ZNF429: variants seen among roughly 807,000 people sequenced by gnomAD.
The protein encoded by ZNF429 is zinc finger protein 429.
ZNF429 carries 53 observed loss-of-function variants against 56.8 expected under a neutral mutation model. The ratio of observed to expected loss-of-function variants is 0.93; its 90% CI spans 0.75 to 1.17. The LOEUF (loss-of-function observed/expected upper bound fraction) is 1.17, where lower values mean the gene tolerates loss of function less well. Among genes scored for constraint, ZNF429 ranks in the 50% most tolerant of loss-of-function variants. The pLI is 0.00. For synonymous variants in ZNF429, 278 were observed against 264.7 expected, an observed-to-expected ratio of 1.05 and a Z score of -0.49; for missense variants, 849 against 788.4, an observed-to-expected ratio of 1.08 and a Z score of -0.92.
At chr19:21,535,398 TTTC>T in intron 3 of ZNF429, among the ~76,000 whole-genome samples, 1 of 44,616 alleles carries the variant, frequency 2.2e-5, no homozygotes, top group African/African-American at 2.4e-4. Context: ...TCTTTCTTTC[TTTC>T]TTTCTTTTTC....
In ZNF429 at chr19:21,537,367, TACACTTA is replaced by T; in HGVS notation, c.1315_1321del (p.Thr439LeufsTer243). 6.3e-7 allele frequency: 1 copy of T among 1,598,580 alleles called. No individual in the cohort carries two copies. Among genetic ancestry groups the T allele is most frequent in the African/African-American group, 1.4e-5 (1 of 69,952 alleles). On this transcript the variant is annotated frameshift_variant, in exon 4 of 4. Transcript: ENST00000358491. LOFTEE classifies it high-confidence loss of function. ...GTGGCAAAGTTTTTACCTATTCCTC[TACACTTA>T]CTAGACATAAGAGAATTCATACTGA...
intron 1 of ZNF429, among the ~76,000 whole-genome samples, chr19:21,526,549 CAGAG>C (rs1235219497): frequency 1.3e-5 from 2 of 152,170 alleles, no homozygotes; most frequent in South Asian, 2.1e-4. Flanking sequence ...TTGTCAAACT[CAGAG>C]AGACATTAAA....
At chr19:21,511,393 C>T (rs372946337) in intron 1 of ZNF429, among the ~76,000 whole-genome samples, 1 of 151,914 alleles carries the variant, frequency 6.6e-6, no homozygotes, top group Non-Finnish European at 1.5e-5. Flanking sequence ...CCTCACCTCC[C>T]AGACAGGGTC....
chr19:21,536,670 T>G lies in ZNF429; in HGVS notation c.617T>G (p.Phe206Cys). 1 of 1,613,846 alleles carries G rather than the reference T, an allele frequency of 6.2e-7. No individual in the cohort carries two copies. The highest frequency in any genetic ancestry group is 8.5e-7 in the Non-Finnish European group (1 of 1,179,898). The change falls in exon 4 of 4, where the codon TTT (phenylalanine) becomes TGT (cysteine). Residue 206 changes from phenylalanine (F) to cysteine (C), a missense_variant. Transcript: ENST00000358491. ...IRENTYRCKE[F>C]GNAFNQSSAL... ...GAGAATACCTACAGATGTAAAGAAT[T>G]TGGCAATGCCTTTAATCAGTCCTCA...
At position 21,538,796 on chromosome 19, in the gene ZNF429, A is replaced by G. The variant is rs377706970; in HGVS notation, c.*718A>G. The G allele has an allele frequency of 1.6e-4, 25 of 152,362 alleles. 1 individual carries two copies. In the East Asian group the frequency reaches 1.7e-3, roughly 11 times the overall value. 9.4% of individuals were successfully genotyped at this position (152,362 alleles called of 1,614,324 possible). ...ATCTGTTCACATCTTAACAACAGAG[A>G]GTTGATACTTAATAAGAGCATTGTA... is the stretch of plus-strand genomic sequence containing the variant. On this transcript the variant is annotated 3_prime_UTR_variant, in exon 4 of 4. Transcript: ENST00000358491.
Position 21,537,375 on chromosome 19 carries a change from C to A in ZNF429, c.1322C>A (p.Thr441Asn), listed in dbSNP as rs776640182. The change falls in exon 4 of 4, where the codon ACT becomes AAT. Residue 441 changes from threonine (T) to asparagine (N), a missense_variant. Transcript: ENST00000358491. Reference protein sequence around the residue: ...GKVFTYSSTLTRHKRIHTEEK... With the variant: ...GKVFTYSSTLNRHKRIHTEEK... ...GTTTTTACCTATTCCTCTACACTTA[C>A]TAGACATAAGAGAATTCATACTGAA... 1.2e-6 allele frequency: 2 copies of A among 1,613,108 alleles called. No homozygotes were observed. Among genetic ancestry groups the A allele is most frequent in the South Asian group, 2.2e-5 (2 of 91,040 alleles).
chr19:21,511,850 G>A (rs571310179), intron 1 of ZNF429, among the ~76,000 whole-genome samples: 81 of 152,266 alleles, frequency 5.3e-4, no homozygotes, highest in African/African-American at 1.9e-3. Context: ...TGAGGCTGGC[G>A]GATCACTCAC....
chr19:21,535,406 TTTTTCTTTTCTTTC>T, intron 3 of ZNF429, among the ~76,000 whole-genome samples: 1 of 18,642 alleles, frequency 5.4e-5, no homozygotes, highest in Non-Finnish European at 1.0e-4. Context: ...TCTTTCTTTC[TTTTTCTTTTCTTTC>T]TTTCTTTCTT....
intron 3 of ZNF429, among the ~76,000 whole-genome samples, chr19:21,531,291 C>A: frequency 6.6e-6 from 1 of 151,992 alleles, no homozygotes; most frequent in South Asian, 2.1e-4. Context: ...AGCCTTGTGA[C>A]CAAGCTACAA....
At chr19:21,513,428 A>G (rs2032595791) in intron 1 of ZNF429, among the ~76,000 whole-genome samples, 2 of 152,194 alleles carry the variant, frequency 1.3e-5, no homozygotes, top group African/African-American at 4.8e-5. Context: ...CATAGAGGTT[A>G]TGAAAGTCCT....
At chr19:21,510,313 C>T (rs1380987565) in intron 1 of ZNF429, among the ~76,000 whole-genome samples, 1 of 152,102 alleles carries the variant, frequency 6.6e-6, no homozygotes, top group Non-Finnish European at 1.5e-5. Context: ...TATGTTGGCT[C>T]AGACGGAGGG....
rs1568433859 is a variant in ZNF429, at chr19:21,537,203, C to G, written c.1150C>G (p.Leu384Val). The G allele has an allele frequency of 6.2e-7, 1 of 1,613,716 alleles. No homozygotes were observed. Among genetic ancestry groups the G allele is most frequent in the Admixed American group, 1.7e-5 (1 of 59,964 alleles). ...CAAAGCTTTTAACCAGTCTTCAAGA[C>G]TTACTCGACATAAAAAAATTCATAC... ...CGKAFNQSSR[L>V]TRHKKIHTGE... Residue 384 changes from leucine to valine, a missense_variant, in exon 4 of 4, where the codon CTT (leucine) becomes GTT (valine). By Grantham distance (32) the Leu-to-Val change is conservative (BLOSUM62 1). Coordinates refer to ENST00000358491, the MANE Select transcript of ZNF429 (RefSeq NM_001001415.4).
At chr19:21,506,460 A>AGG (rs199861700) in intron 1 of ZNF429, among the ~76,000 whole-genome samples, 4,479 of 107,688 alleles carry the variant, frequency 0.042, 246 homozygotes, top group African/African-American at 0.12. Flanking sequence ...AAAAAAAAAA[A>AGG]AGGGGAGTCA....
rs753989924 is a variant in ZNF429 at position 21,536,701 on chromosome 19, T to A, written c.648T>A (p.Leu216=). ...FGNAFNQSSA[L]TNHKRIYVGE... Reference sequence around the variant, plus strand: ...ATGCCTTTAATCAGTCCTCAGCCCTTACTAACCATAAGAGAATTTATGTTG... The same window carrying A: ...ATGCCTTTAATCAGTCCTCAGCCCTAACTAACCATAAGAGAATTTATGTTG... Residue 216 remains leucine (L), a synonymous_variant, in exon 4 of 4, where the codon CTT becomes CTA. Transcript: ENST00000358491. 4 of 1,614,016 alleles carry A rather than the reference T, an allele frequency of 2.5e-6. No individual in the cohort carries two copies. The highest frequency in any genetic ancestry group is 3.4e-6 in the Non-Finnish European group (4 of 1,180,000).
intron 2 of ZNF429, among the ~76,000 whole-genome samples, chr19:21,529,996 CCT>C: frequency 6.6e-6 from 1 of 152,004 alleles, no homozygotes; most frequent in Non-Finnish European, 1.5e-5. Flanking sequence ...AGGAGACCAT[CCT>C]GGCTAACACG....
Position 21,536,340 on chromosome 19 carries a change from A to G in ZNF429, c.287A>G (p.Gln96Arg). 2 of 1,610,020 alleles carry G rather than the reference A, an allele frequency of 1.2e-6. No individual in the cohort carries two copies. The highest frequency in any genetic ancestry group is 1.7e-6 in the Non-Finnish European group (2 of 1,178,754). The part of the protein sequence containing the change: ...WPEQDIKDSF[Q>R]KVTLRRYDKR... ...GAGCAAGACATAAAAGATTCTTTCC[A>G]AAAAGTGACACTGAGGAGATATGAT... The change falls in exon 4 of 4, where the codon CAA (glutamine) becomes CGA (arginine). Residue 96 changes from glutamine to arginine, a missense_variant. Coordinates refer to ENST00000358491, the MANE Select transcript of ZNF429 (RefSeq NM_001001415.4).
At position 21,519,221 on chromosome 19, in the gene ZNF429, G is replaced by A. The variant is rs78599648; in HGVS notation, c.4-10437G>A. Among the ~76,000 whole-genome samples the A allele has an allele frequency of 3.9e-3, 594 of 152,340 alleles. 6 individuals carry two copies. The highest frequency in any genetic ancestry group is 0.01 in the Middle Eastern group (3 of 294). ...CAGGCACAGCCCACATCCAGGAAAA[G>A]TTTTGATAACACTATTTAAGAAGCC... On this transcript the variant is annotated intron_variant, in intron 1 of 3. Transcript: ENST00000358491.
At chr19:21,521,439 C>G (rs140486018) in intron 1 of ZNF429, 1 of 152,286 alleles carries the variant, frequency 6.6e-6, no homozygotes, top group East Asian at 1.9e-4. Flanking sequence ...AAAGAAAAAC[C>G]TTATGAAATT....
At chr19:21,521,353 C>G (rs1439330237) in intron 1 of ZNF429, 4 of 152,170 alleles carry the variant, frequency 2.6e-5, no homozygotes, top group African/African-American at 7.2e-5. Context: ...TCAAAAAGCT[C>G]TAGTGGAAGT....
Sources: gnomAD v4.1 joint callset for allele counts (sites outside exome capture counted in the v4.1 genomes callset) on GRCh38, gnomAD v4.1.1 for gene constraint, MANE v1.5 for transcripts, NCBI Gene and HGNC (gene_info 2026-07-23, HGNC 2026-07-21) for gene names.